TFAP2D: variants seen among roughly 807,000 people sequenced by gnomAD.
TFAP2D encodes transcription factor AP-2-delta.
TFAP2D carries 9 observed loss-of-function variants against 43.6 expected under a neutral mutation model. That is an observed-to-expected ratio of 0.21 (90% CI 0.12 to 0.36). The LOEUF (loss-of-function observed/expected upper bound fraction) is 0.36. TFAP2D is among the 10% of genes least tolerant of loss of function. The probability of loss-of-function intolerance (pLI) is 1.00; values close to 1 mark genes in which losing one functional copy is unlikely to be tolerated. For synonymous variants in TFAP2D, 256 were observed against 224.9 expected, an observed-to-expected ratio of 1.14 and a Z score of -1.24; for missense variants, 513 against 561.4, an observed-to-expected ratio of 0.91 and a Z score of 0.87.
intron 7 of TFAP2D, among the ~76,000 whole-genome samples, chr6:50,765,374 T>C (rs1769426767): frequency 1.3e-5 from 2 of 152,238 alleles, no homozygotes; most frequent in Admixed American, 1.3e-4. Flanking sequence ...CCTTTAGATA[T>C]ATAACCAGAA....
chr6:50,728,743 C>T (rs766391750), intron 3 of TFAP2D, 113 bp from the exon 4 acceptor site: 7 of 1,026,080 alleles, frequency 6.8e-6, no homozygotes, highest in Non-Finnish European at 1.0e-5. Flanking sequence ...TATATAAGTA[C>T]AACTGTTAGC....
chr6:50,747,928 G>A (rs905931958), intron 6 of TFAP2D, among the ~76,000 whole-genome samples: 13 of 151,924 alleles, frequency 8.6e-5, no homozygotes, highest in African/African-American at 3.1e-4. Context: ...TATTTTATCT[G>A]TCTGCTCATA....
At chr6:50,765,462 C>T (rs575905393) in intron 7 of TFAP2D, among the ~76,000 whole-genome samples, 2 of 152,236 alleles carry the variant, frequency 1.3e-5, no homozygotes, top group Admixed American at 6.5e-5. Context: ...ATAATGGCTG[C>T]GCCAGTTTGC....
chr6:50,719,482 AAAGAAAGAAAGAAAGAAAG>A (rs774962524), intron 3 of TFAP2D, among the ~76,000 whole-genome samples: 113 of 138,436 alleles, frequency 8.2e-4, no homozygotes, highest in African/African-American at 2.2e-3. Context: ...AGAAAGAAAG[AAAGAAAGAAAGAAAGAAAG>A]AAGTTTCTCA....
rs1561928981 is a variant in TFAP2D at position 50,714,008 on chromosome 6, T to C, written c.-48T>C. On this transcript the variant is annotated 5_prime_UTR_variant, in exon 1 of 8. Transcript: ENST00000008391. ...AGTTTGGATTTTTTTTTCCCGATTC[T>C]TTTTTTGGAGGGGGAAATTGCATCG... 1 of 1,608,582 alleles carries C rather than the reference T, an allele frequency of 6.2e-7. No homozygotes were observed. Among genetic ancestry groups the C allele is most frequent in the Non-Finnish European group, 8.5e-7 (1 of 1,178,008 alleles).
intron 3 of TFAP2D, among the ~76,000 whole-genome samples, chr6:50,721,625 T>C (rs956124359): frequency 2.0e-5 from 3 of 152,206 alleles, no homozygotes; most frequent in Non-Finnish European, 4.4e-5. Flanking sequence ...AGACTACTTG[T>C]GTTCACCAAA....
At chr6:50,724,531 C>T (rs1263901931) in intron 3 of TFAP2D, among the ~76,000 whole-genome samples, 1 of 152,160 alleles carries the variant, frequency 6.6e-6, no homozygotes, top group Non-Finnish European at 1.5e-5. Flanking sequence ...TTGATCGCAC[C>T]TGGAGAGCGC....
intron 3 of TFAP2D, among the ~76,000 whole-genome samples, chr6:50,727,516 A>G (rs1375888518): frequency 4.6e-5 from 7 of 152,178 alleles, no homozygotes; most frequent in Non-Finnish European, 8.8e-5. Context: ...GAATCATCTG[A>G]GGCTCTCATT....
rs764386385 is a variant in TFAP2D, at chr6:50,729,263, A to G, written c.834A>G (p.Ala278=). Residue 278 remains alanine, a synonymous_variant, in exon 5 of 8, where the codon GCA becomes GCG. Transcript: ENST00000008391. The part of the protein sequence containing the change: ...KLDRLGLNLP[A]GRRKAANVTL... ...ATAGGCTTGGCTTAAACTTACCAGC[A>G]GGAAGACGGAAAGCAGCTAATGTCA... The G allele has an allele frequency of 5.6e-6, 9 of 1,614,054 alleles. No homozygotes were observed. The highest frequency in any genetic ancestry group is 1.7e-5 in the Admixed American group (1 of 60,034).
chr6:50,741,018 A>G (rs987745353), intron 5 of TFAP2D, among the ~76,000 whole-genome samples: 3 of 152,102 alleles, frequency 2.0e-5, no homozygotes, highest in Non-Finnish European at 2.9e-5. Flanking sequence ...TTTATCTTTT[A>G]CGTTCTTGCT....
chr6:50,760,153 A>C (rs1301688110), intron 7 of TFAP2D, among the ~76,000 whole-genome samples: 2 of 152,060 alleles, frequency 1.3e-5, no homozygotes, highest in African/African-American at 4.8e-5. Context: ...GATCATGAAA[A>C]CTGTTTTTAA....
chr6:50,715,749 T>TCTCA (rs1458566034), intron 2 of TFAP2D, 136 bp downstream of exon 2: 171 of 428,580 alleles, frequency 4.0e-4, no homozygotes, highest in African/African-American at 7.4e-4. Flanking sequence ...TCTCTCTCTC[T>TCTCA]CACACACACA....
intron 5 of TFAP2D, among the ~76,000 whole-genome samples, chr6:50,741,110 TTAATA>T (rs1769038387): frequency 6.6e-6 from 1 of 151,754 alleles, no homozygotes; most frequent in Non-Finnish European, 1.5e-5. Flanking sequence ...ATATAAGTAT[TTAATA>T]TAAGTATTTA....
Position 50,715,190 on chromosome 6 carries a change from C to A in TFAP2D, c.114C>A (p.Val38=). ...GCLESVANST[V]AYSSSSPLTY... ...TGGAGTCAGTAGCCAATTCCACTGT[C>A]GCCTATTCCTCCTCCTCTCCTTTAA... Residue 38 remains valine (V), a synonymous_variant, in exon 2 of 8, where the codon GTC becomes GTA. Transcript: ENST00000008391. The A allele has an allele frequency of 6.2e-7, 1 of 1,614,040 alleles. No homozygotes were observed. Among genetic ancestry groups the A allele is most frequent in the East Asian group, 2.2e-5 (1 of 44,848 alleles).
intron 5 of TFAP2D, among the ~76,000 whole-genome samples, chr6:50,740,840 A>G (rs1367345380): frequency 6.6e-6 from 1 of 152,194 alleles, no homozygotes; most frequent in Non-Finnish European, 1.5e-5. Context: ...AAAACTCAGG[A>G]TCTTGGCACA....
intron 3 of TFAP2D, among the ~76,000 whole-genome samples, chr6:50,720,791 G>C (rs1183690463): frequency 6.6e-6 from 1 of 152,128 alleles, no homozygotes; most frequent in Non-Finnish European, 1.5e-5. Context: ...TAGAGACTTC[G>C]GTGGTGCTGA....
At chr6:50,741,699 T>TAAA (rs140519366) in intron 5 of TFAP2D, among the ~76,000 whole-genome samples, 53 of 139,956 alleles carry the variant, frequency 3.8e-4, no homozygotes, top group African/African-American at 1.4e-3. Flanking sequence ...TGTATTAAAT[T>TAAA]AAAAAAAAAA....
chr6:50,764,583 T>C (rs1769414998), intron 7 of TFAP2D, among the ~76,000 whole-genome samples: 1 of 152,192 alleles, frequency 6.6e-6, no homozygotes, highest in Admixed American at 6.6e-5. Context: ...GGAATTAGTA[T>C]TGTAATTAAA....
At chr6:50,764,552 A>T (rs899364685) in intron 7 of TFAP2D, among the ~76,000 whole-genome samples, 1 of 152,176 alleles carries the variant, frequency 6.6e-6, no homozygotes, top group African/African-American at 2.4e-5. Context: ...TATCCCTTTA[A>T]TCTATAAAAA....
Sources: gnomAD v4.1 joint callset for allele counts (sites outside exome capture counted in the v4.1 genomes callset) on GRCh38, gnomAD v4.1.1 for gene constraint, MANE v1.5 for transcripts, NCBI Gene and HGNC (gene_info 2026-07-23, HGNC 2026-07-21) for gene names.